ZNF257: variants seen among roughly 807,000 people sequenced by gnomAD.
ZNF257 encodes the protein bone marrow zinc finger 4.
Under a neutral mutation model 11.9 loss-of-function variants are expected in ZNF257, and 12 were observed. That is an observed-to-expected ratio of 1.01 (90% CI 0.65 to 1.63). The LOEUF is 1.63. ZNF257 is among the 40% of genes most tolerant of loss of function. The pLI is 0.00. For synonymous variants in ZNF257, 183 were observed against 222.7 expected (o/e 0.82, Z 1.59); for missense variants, 580 against 665.5 (o/e 0.87, Z 1.41).
At chr19:22,073,698 CA>C in intron 3 of ZNF257, 134 bp downstream of exon 3, 1 of 1,216,744 alleles carries the variant, frequency 8.2e-7, no homozygotes, top group Admixed American at 2.6e-5. Context: ...CCTGAGTTTG[CA>C]TTTTTTTTTT....
At chr19:22,060,639 C>T (rs979325562) in intron 1 of ZNF257, 3 of 152,000 alleles carry the variant, frequency 2.0e-5, no homozygotes, top group African/African-American at 7.3e-5. Context: ...GTGCCCACCA[C>T]CACGCCCGGC....
chr19:22,078,323 A>G (rs2022280086), intron 3 of ZNF257, among the ~76,000 whole-genome samples: 1 of 150,504 alleles, frequency 6.6e-6, no homozygotes, highest in Non-Finnish European at 1.5e-5. Flanking sequence ...GCAATTCTCT[A>G]CAAAATAGTT....
At position 22,090,147 on chromosome 19, in the gene ZNF257, C is replaced by T. The variant is rs766721939; in HGVS notation, c.*705C>T. On this transcript the variant is annotated 3_prime_UTR_variant, in exon 4 of 4. Transcript: ENST00000594947. ...TGTGGAAAAGTCATTAATATTTGCT[C>T]ACATATTACACATCAGAGAGTTCAT... The T allele has an allele frequency of 6.6e-6, 1 of 152,134 alleles. No individual in the cohort carries two copies. Among genetic ancestry groups the T allele is most frequent in the Admixed American group, 6.6e-5 (1 of 15,262 alleles). 9.4% of individuals were successfully genotyped at this position (152,134 alleles called of 1,614,324 possible).
intron 3 of ZNF257, chr19:22,087,633 C>G: frequency 8.5e-7 from 1 of 1,171,330 alleles, no homozygotes; most frequent in Non-Finnish European, 1.1e-6. Context: ...TAAATAGAAA[C>G]AAGGAGTTGG....
intron 3 of ZNF257, among the ~76,000 whole-genome samples, chr19:22,086,870 A>T (rs886336845): frequency 1.3e-5 from 2 of 151,462 alleles, no homozygotes; most frequent in African/African-American, 4.9e-5. Flanking sequence ...TGACATTTTA[A>T]GTTGTTCTTA....
At chr19:22,054,986 T>A (rs1422296224) in intron 1 of ZNF257, among the ~76,000 whole-genome samples, 3 of 144,712 alleles carry the variant, frequency 2.1e-5, no homozygotes, top group African/African-American at 7.7e-5. Flanking sequence ...AGAAAGAAGG[T>A]GGCTGCCCCA....
At position 22,080,524 on chromosome 19, in the gene ZNF257, C is replaced by G. The variant is rs150572210; in HGVS notation, c.226+6960C>G. 2.5e-3 allele frequency among the ~76,000 whole-genome samples: 387 copies of G among 152,068 alleles called. 3 individuals are homozygous for G. The highest frequency in any genetic ancestry group is 9.0e-3 in the African/African-American group (374 of 41,444). ...ACCATGATTGTAAGCTTTTTGAGACCCTCACCAGAAGCAGATGTTGGCACA... is the reference window on the plus strand; with the variant it reads ...ACCATGATTGTAAGCTTTTTGAGACGCTCACCAGAAGCAGATGTTGGCACA... On this transcript the variant is annotated intron_variant, in intron 3 of 3. Coordinates refer to ENST00000594947, the MANE Select transcript of ZNF257 (RefSeq NM_033468.4).
At chr19:22,073,638 T>C (rs1324364642) in intron 3 of ZNF257, 74 bp downstream of exon 3, 3 of 1,508,732 alleles carry the variant, frequency 2.0e-6, no homozygotes, top group Non-Finnish European at 2.7e-6. Flanking sequence ...AAGCAAGTCC[T>C]TAAAATGTCA....
chr19:22,088,524 A>T lies in ZNF257; in HGVS notation c.774A>T (p.Lys258Asn). The stretch of plus-strand genomic sequence containing the variant: ...TTCATACTAGAGAGAAACCCTACAA[A>T]TGTGAAGAGTGTGGCAAAGCCTTTA... The part of the protein sequence containing the change: ...KVIHTREKPY[K>N]CEECGKAFNR... Residue 258 changes from lysine to asparagine, a missense_variant, in exon 4 of 4, where the codon AAA becomes AAT. By Grantham distance (94) the Lys-to-Asn change is moderately conservative (BLOSUM62 0). Coordinates refer to ENST00000594947, the MANE Select transcript of ZNF257 (RefSeq NM_033468.4). The T allele has an allele frequency of 6.2e-7, 1 of 1,613,704 alleles. No individual in the cohort carries two copies. Among genetic ancestry groups the T allele is most frequent in the South Asian group, 1.1e-5 (1 of 91,060 alleles).
In ZNF257 at chr19:22,058,901, T is replaced by G. The variant is rs191187534; in HGVS notation, c.3+6266T>G. On this transcript the variant is annotated intron_variant, in intron 1 of 3. Coordinates refer to ENST00000594947, the MANE Select transcript of ZNF257 (RefSeq NM_033468.4). ...TCACCACAGCATTTTTATCCTAATG[T>G]TTTTTTTTGCCAAAAACCCACAAGT... 4.4e-3 allele frequency among the ~76,000 whole-genome samples: 400 copies of G among 91,350 alleles called. 1 individual carries two copies. Among genetic ancestry groups the G allele is most frequent in the Middle Eastern group, 0.015 (2 of 130 alleles). 59.9% of individuals were successfully genotyped at this position (91,350 alleles called of 152,430 possible).
chr19:22,074,348 T>C (rs1163380249), intron 3 of ZNF257: 2 of 152,078 alleles, frequency 1.3e-5, no homozygotes, highest in African/African-American at 4.8e-5. Flanking sequence ...AGAAATTTAT[T>C]TATTTATTTA....
At chr19:22,083,251 C>A (rs1369142115) in intron 3 of ZNF257, among the ~76,000 whole-genome samples, 2 of 152,020 alleles carry the variant, frequency 1.3e-5, no homozygotes, top group Non-Finnish European at 2.9e-5. Context: ...GGGTGGATAA[C>A]CTTAGGTCAG....
chr19:22,080,874 A>G (rs950600702), intron 3 of ZNF257, among the ~76,000 whole-genome samples: 2 of 138,406 alleles, frequency 1.4e-5, no homozygotes, highest in South Asian at 2.8e-4. Context: ...TTATATATCT[A>G]TATAGTTGGT....
At chr19:22,082,588 T>G (rs2022385490) in intron 3 of ZNF257, among the ~76,000 whole-genome samples, 1 of 152,186 alleles carries the variant, frequency 6.6e-6, no homozygotes, top group Admixed American at 6.5e-5. Flanking sequence ...AAATCAAGTA[T>G]TATTGGTCAG....
At chr19:22,085,446 C>T (rs2022454962) in intron 3 of ZNF257, among the ~76,000 whole-genome samples, 1 of 152,058 alleles carries the variant, frequency 6.6e-6, no homozygotes, top group South Asian at 2.1e-4. Context: ...ATTGTATGAG[C>T]TATTGCAACG....
chr19:22,067,427 A>C (rs1475585702), intron 1 of ZNF257, among the ~76,000 whole-genome samples: 1 of 152,086 alleles, frequency 6.6e-6, no homozygotes, highest in Non-Finnish European at 1.5e-5. Context: ...ACCCATCCAG[A>C]GCCTAAATCT....
chr19:22,059,423 G>T (rs2021732161), intron 1 of ZNF257, among the ~76,000 whole-genome samples: 1 of 151,726 alleles, frequency 6.6e-6, no homozygotes. Context: ...TGAGACTCTG[G>T]GATTACATGC....
rs142308268 is a variant in ZNF257, at chr19:22,060,118, T to G, written c.3+7483T>G. Among the ~76,000 whole-genome samples, 515 of 152,352 alleles carry G rather than the reference T, an allele frequency of 3.4e-3. 1 individual carries two copies. The highest frequency in any genetic ancestry group is 6.8e-3 in the Middle Eastern group (2 of 294). ...ATTGTGAATAGTGCTGCAATGAACA[T>G]GCATGTGCATGTGTCATGATGGAAT... On this transcript the variant is annotated intron_variant, in intron 1 of 3. Transcript: ENST00000594947.
rs990879431 is a variant in ZNF257, at chr19:22,090,606, T to A, written c.*1164T>A. Reference sequence around the variant, plus strand: ...ACTTCAGACATTACACTAAATCAGATTGCTGAGTATAGAAAATCCAAAACT... The same window carrying A: ...ACTTCAGACATTACACTAAATCAGAATGCTGAGTATAGAAAATCCAAAACT... On this transcript the variant is annotated 3_prime_UTR_variant, in exon 4 of 4. Coordinates refer to ENST00000594947, the MANE Select transcript of ZNF257 (RefSeq NM_033468.4). 1 of 152,146 alleles carries A rather than the reference T, an allele frequency of 6.6e-6. No homozygotes were observed. The highest frequency in any genetic ancestry group is 2.4e-5 in the African/African-American group (1 of 41,422). The allele number at this position is 152,146 out of a possible 1,614,324, so 9.4% of individuals were successfully genotyped here.
Sources: allele counts gnomAD v4.1 joint callset (sites outside exome capture counted in the v4.1 genomes callset), GRCh38; gene constraint gnomAD v4.1.1; transcripts MANE v1.5; gene names NCBI Gene and HGNC (gene_info 2026-07-23, HGNC 2026-07-21).